The following MROH2A variants were observed in gnomAD, a reference collection of about 807,000 sequenced individuals.
The protein encoded by MROH2A is maestro heat-like repeat-containing protein family member 2A.
In MROH2A, 174 loss-of-function variants were observed where a neutral mutation model predicts 200.4. The ratio of observed to expected loss-of-function variants is 0.87; its 90% confidence interval spans 0.77 to 0.98. The LOEUF (loss-of-function observed/expected upper bound fraction) is 0.98. Among genes scored for constraint, MROH2A ranks in the 50% least tolerant of loss-of-function variants. The probability of loss-of-function intolerance (pLI) is 0.00; values close to 1 mark genes in which losing one functional copy is unlikely to be tolerated. For missense variants in MROH2A, 2,045 were observed against 2,139.6 expected (o/e 0.96, Z 0.87); for synonymous variants, 829 against 840.4 (o/e 0.99, Z 0.23).
chr2:233,803,912 G>T, intron 16 of MROH2A, 139 bp from the exon 17 acceptor site: 1 of 1,141,872 alleles, frequency 8.8e-7, no homozygotes, highest in Non-Finnish European at 1.2e-6. Flanking sequence ...TCCTCTGCAG[G>T]TGCACTCTCT....
chr2:233,780,682 A>C (rs752961389), intron 3 of MROH2A, among the ~76,000 whole-genome samples: 1 of 152,228 alleles, frequency 6.6e-6, no homozygotes, highest in Non-Finnish European at 1.5e-5. Flanking sequence ...TGACCGAATC[A>C]GGGTAATTAG....
chr2:233,789,163 G>A (rs1701569418), intron 3 of MROH2A, among the ~76,000 whole-genome samples: 1 of 152,058 alleles, frequency 6.6e-6, no homozygotes, highest in South Asian at 2.1e-4. Flanking sequence ...ATAGGGCAAA[G>A]GCAAGGTGAG....
chr2:233,802,019 C>A, intron 14 of MROH2A, 149 bp from the exon 15 acceptor site: 1 of 831,330 alleles, frequency 1.2e-6, no homozygotes, highest in Non-Finnish European at 1.8e-6. Flanking sequence ...CTGGATTTGG[C>A]GGTGGAGCCA....
intron 25 of MROH2A, among the ~76,000 whole-genome samples, 192 bp from the exon 26 acceptor site, chr2:233,814,390 C>T (rs1480432019): frequency 6.6e-6 from 1 of 152,204 alleles, no homozygotes; most frequent in Non-Finnish European, 1.5e-5. Flanking sequence ...AGTTCAGTAT[C>T]CTGCTTTGTA....
intron 7 of MROH2A, 129 bp from the exon 8 acceptor site, chr2:233,794,234 G>T: frequency 1.4e-6 from 1 of 702,764 alleles, no homozygotes; most frequent in East Asian, 2.7e-5. Context: ...GCCTGTGCAG[G>T]AAAGACCTTG....
intron 14 of MROH2A, among the ~76,000 whole-genome samples, chr2:233,801,958 G>A (rs545455308): frequency 1.6e-4 from 25 of 152,344 alleles, no homozygotes; most frequent in African/African-American, 6.0e-4. Flanking sequence ...GGGACTAGCA[G>A]ACTCTCTTGC....
At chr2:233,804,794 C>T (rs142310984) in intron 18 of MROH2A, among the ~76,000 whole-genome samples, 130 of 152,282 alleles carry the variant, frequency 8.5e-4, no homozygotes, top group Middle Eastern at 3.4e-3. Flanking sequence ...ACCCCTTCTG[C>T]TAGCCGCCAG....
intron 5 of MROH2A, 58 bp from the exon 6 acceptor site, chr2:233,792,738 C>A: frequency 8.9e-7 from 1 of 1,124,926 alleles, no homozygotes; most frequent in Non-Finnish European, 1.3e-6. Flanking sequence ...TCCTCTCTGC[C>A]TTCTCTCTGC....
At chr2:233,796,805 T>C (rs146443516) in intron 11 of MROH2A, among the ~76,000 whole-genome samples, 1 of 152,296 alleles carries the variant, frequency 6.6e-6, no homozygotes, top group East Asian at 1.9e-4. Flanking sequence ...TACAGGTACA[T>C]AATGGTTAGA....
intron 24 of MROH2A, 103 bp from the exon 25 acceptor site, chr2:233,813,567 C>G: frequency 1.5e-6 from 1 of 683,892 alleles, no homozygotes. Flanking sequence ...AAGTAGGCCT[C>G]TTCCTCTTCT....
chr2:233,822,576 G>T lies in MROH2A; in HGVS notation c.3866+20G>T. On this transcript the variant is annotated intron_variant, in intron 33 of 41. Coordinates refer to ENST00000389758, the MANE Select transcript of MROH2A (RefSeq NM_001394639.1). The stretch of plus-strand genomic sequence containing the variant: ...GCAAAGGTGCTCTCGAGGGCGGTGG[G>T]TGCAAGGCAGCAGGCCTGGGCTGGC... The T allele has an allele frequency of 6.5e-7, 1 of 1,544,000 alleles. No individual in the cohort carries two copies. The highest frequency in any genetic ancestry group is 2.4e-5 in the East Asian group (1 of 40,844).
chr2:233,787,550 A>C (rs1327170880), intron 3 of MROH2A, among the ~76,000 whole-genome samples: 1 of 110,300 alleles, frequency 9.1e-6, no homozygotes, highest in Non-Finnish European at 1.7e-5. Context: ...ATACATATAT[A>C]TTATATATAC....
intron 26 of MROH2A, among the ~76,000 whole-genome samples, chr2:233,815,598 T>A (rs1249482733): frequency 6.6e-6 from 1 of 152,218 alleles, no homozygotes; most frequent in Non-Finnish European, 1.5e-5. Flanking sequence ...TTTATTTTAA[T>A]TTTTTGCACA....
At chr2:233,818,567 A>T in intron 28 of MROH2A, 85 bp from the exon 29 acceptor site, 1 of 849,878 alleles carries the variant, frequency 1.2e-6, no homozygotes, top group Non-Finnish European at 2.0e-6. Context: ...CAGGCCTGCA[A>T]AGCCAGGGCA....
chr2:233,804,582 G>T, intron 18 of MROH2A, 35 bp downstream of exon 18: 1 of 1,548,344 alleles, frequency 6.5e-7, no homozygotes, highest in South Asian at 1.2e-5. Context: ...GGCCTGGGAG[G>T]AGGAGAAAGA....
rs1380527131 is a variant in MROH2A, at chr2:233,822,981, G to A, written c.3967G>A (p.Gly1323Ser). The A allele has an allele frequency of 7.7e-6, 12 of 1,548,728 alleles. No homozygotes were observed. The highest frequency in any genetic ancestry group is 4.9e-5 in the East Asian group (2 of 40,912). ...EQAVWDLLQDGGTFLEGVSLL... is the reference protein window; with the variant it reads ...EQAVWDLLQDSGTFLEGVSLL... ...GGCAGTGTGGGACCTCCTGCAGGACGGCGGGACATTCCTGGAGGGTGTGAG... is the reference window on the plus strand; with the variant it reads ...GGCAGTGTGGGACCTCCTGCAGGACAGCGGGACATTCCTGGAGGGTGTGAG... The change falls in exon 34 of 42, where the codon GGC becomes AGC. Residue 1323 changes from glycine (G) to serine (S), a missense_variant. This residue lies in a region of MROH2A where 1,201 missense variants were observed against 1,311.3 expected (regional missense o/e 0.92). Transcript: ENST00000389758.
rs1294472027 is a variant in MROH2A, at chr2:233,795,636, T to G, written c.967-17T>G. 2 of 1,550,900 alleles carry G rather than the reference T, an allele frequency of 1.3e-6. No homozygotes were observed. The highest frequency in any genetic ancestry group is 1.7e-6 in the Non-Finnish European group (2 of 1,147,048). On this transcript the variant is annotated splice_polypyrimidine_tract_variant and intron_variant, in intron 8 of 41. Transcript: ENST00000389758. ...TTGGTAGAAGGTCACCTGCCACCATTTGCCAATCCACTGCAGGTCTTGAGG... is the reference window on the plus strand; with the variant it reads ...TTGGTAGAAGGTCACCTGCCACCATGTGCCAATCCACTGCAGGTCTTGAGG...
chr2:233,807,742 A>G lies in MROH2A; in HGVS notation c.2182A>G (p.Met728Val). The G allele has an allele frequency of 6.4e-7, 1 of 1,550,584 alleles. No individual in the cohort carries two copies. The stretch of plus-strand genomic sequence containing the variant: ...CTGGGTCTCCCTGCAGGGTGTGATT[A>G]TGTGCTTTGGCCTGTGTGCCCGGGG... ...SNDFDSEGVI[M>V]CFGLCARGQV... Residue 728 changes from methionine to valine, a missense_variant, in exon 21 of 42, where the codon ATG (methionine) becomes GTG (valine). Met to Val is a conservative substitution (Grantham distance 21). Around this residue, in one of 3 missense-constraint regions of MROH2A, gnomAD observed 1,201 missense variants for 1,311.3 expected, o/e 0.92. Transcript: ENST00000389758. The surrounding 1 kb of genome is among the most constrained non-coding windows in gnomAD (Gnocchi z 4.3).
Position 233,794,409 on chromosome 2 carries a change from T to A in MROH2A, c.869T>A (p.Leu290His), listed in dbSNP as rs1051647630. 5 of 1,550,430 alleles carry A rather than the reference T, an allele frequency of 3.2e-6. No homozygotes were observed. Among genetic ancestry groups the A allele is most frequent in the Admixed American group, 3.9e-5 (2 of 50,980 alleles). Reference protein sequence around the residue: ...IKSLKPMLGLLLPNDDLREQV... With the variant: ...IKSLKPMLGLHLPNDDLREQV... ...TCCCTGAAGCCCATGCTCGGCCTCCTTCTGCCCAACGATGACCTGCGGGAG... is the reference window on the plus strand; with the variant it reads ...TCCCTGAAGCCCATGCTCGGCCTCCATCTGCCCAACGATGACCTGCGGGAG... The change falls in exon 8 of 42, where the codon CTT (leucine) becomes CAT (histidine). Residue 290 changes from leucine (L) to histidine (H), a missense_variant. By Grantham distance (99) the Leu-to-His change is moderately conservative (BLOSUM62 -3). This residue lies in a region of MROH2A where 831 missense variants were observed against 800.0 expected (regional missense o/e 1.04). Transcript: ENST00000389758.
Sources: gnomAD v4.1 joint callset for allele counts (sites outside exome capture counted in the v4.1 genomes callset) on GRCh38, gnomAD v4.1.1 for gene constraint, gnomAD v4.1.1 regional missense constraint, Gnocchi (gnomAD v3.1) non-coding constraint, MANE v1.5 for transcripts, NCBI Gene and HGNC (gene_info 2026-07-23, HGNC 2026-07-21) for gene names.